The following PRDM15 variants were observed in gnomAD, a reference collection of about 807,000 sequenced individuals.
PRDM15 encodes the protein PR domain zinc finger protein 15.
Under a neutral mutation model 128.6 loss-of-function variants are expected in PRDM15, and 64 were observed. That is an observed-to-expected ratio of 0.50 (90% CI 0.41 to 0.61). PRDM15 has a LOEUF of 0.61. Ranked by LOEUF, PRDM15 falls within the 20% of genes least tolerant of loss-of-function variation. The probability of loss-of-function intolerance (pLI) is 0.00; values close to 1 mark genes in which losing one functional copy is unlikely to be tolerated. For missense variants in PRDM15, 1,242 were observed against 1,569.1 expected (o/e 0.79, Z 3.52); for synonymous variants, 615 against 621.8 (o/e 0.99, Z 0.16).
In PRDM15 at chr21:41,854,746, C is replaced by G; in HGVS notation, c.358G>C (p.Val120Leu). 1 of 1,613,020 alleles carries G rather than the reference C, an allele frequency of 6.2e-7. No individual in the cohort carries two copies. The highest frequency in any genetic ancestry group is 8.5e-7 in the Non-Finnish European group (1 of 1,179,568). ...TGCTCGGCCTCCGCCGCTGGCCGCA[C>G]CAGCATCATCCAGTTGCAGTCATCC... ...NEDDCNWMML[V>L]RPAAEAEHQN... is the part of the protein sequence containing the mutation. The change falls in exon 5 of 24, where the codon GTG becomes CTG. Residue 120 changes from valine to leucine, a missense_variant. By Grantham distance (32) the Val-to-Leu change is conservative. Transcript: ENST00000398548. This position sits in a 1 kb window ranked among gnomAD's most constrained non-coding sequence, Gnocchi z 4.6.
chr21:41,830,140 A>G (rs1363496627), intron 11 of PRDM15, among the ~76,000 whole-genome samples: 1 of 151,224 alleles, frequency 6.6e-6, no homozygotes, highest in Non-Finnish European at 1.5e-5. Flanking sequence ...CACATTCAAC[A>G]CACACCCCAC....
intron 8 of PRDM15, among the ~76,000 whole-genome samples, chr21:41,837,279 C>A (rs1274430700): frequency 1.3e-5 from 2 of 152,230 alleles, no homozygotes; most frequent in African/African-American, 4.8e-5. Context: ...TATTTTACCA[C>A]AGCAGCGTCA....
At position 41,854,849 on chromosome 21, in the gene PRDM15, G is replaced by C. The variant is rs1240502059; in HGVS notation, c.286-31C>G. The C allele has an allele frequency of 6.3e-7, 1 of 1,578,132 alleles. No individual in the cohort carries two copies. The highest frequency in any genetic ancestry group is 8.6e-7 in the Non-Finnish European group (1 of 1,158,588). ...GGTGAGTCGGCCCATGGAGAAGCCG[G>C]GGAAATGGCTGATTACCCATCTGTG... is the stretch of plus-strand genomic sequence containing the variant. On this transcript the variant is annotated intron_variant, in intron 4 of 23. Coordinates refer to ENST00000398548, the MANE Select transcript of PRDM15 (RefSeq NM_001040424.3). This position sits in a 1 kb window ranked among gnomAD's most constrained non-coding sequence, Gnocchi z 4.6.
Position 41,821,832 on chromosome 21 carries a change from G to A in PRDM15, c.1896+71C>T, listed in dbSNP as rs950116681. ...GATGCATGAAGGTGCCTGCTGTGTG[G>A]GGCCCACAGCCTTGAAACGACCACC... On this transcript the variant is annotated intron_variant, in intron 15 of 23. Coordinates refer to ENST00000398548, the MANE Select transcript of PRDM15 (RefSeq NM_001040424.3). This position sits in a 1 kb window ranked among gnomAD's most constrained non-coding sequence, Gnocchi z 5.4. 41 of 1,575,504 alleles carry A rather than the reference G, an allele frequency of 2.6e-5. No homozygotes were observed. The highest frequency in any genetic ancestry group is 3.3e-5 in the Non-Finnish European group (38 of 1,152,426).
rs780284266 is a variant in PRDM15, at chr21:41,834,566, TAGAG to T, written c.1366+867_1366+870del. On this transcript the variant is annotated intron_variant, in intron 11 of 23. Transcript: ENST00000398548. ...CCTCTCCAGGGTGTGCTATGAGTCCTAGAGAGAGGGGGACACAAAGGCAACAGTG... is the reference window on the plus strand; with the variant it reads ...CCTCTCCAGGGTGTGCTATGAGTCCTAGAGGGGGACACAAAGGCAACAGTG... 446 of 1,548,746 alleles carry T rather than the reference TAGAG, an allele frequency of 2.9e-4. 1 individual carries two copies. Among genetic ancestry groups the T allele is most frequent in the Non-Finnish European group, 3.6e-4 (411 of 1,146,674 alleles).
chr21:41,819,751 G>A, intron 17 of PRDM15, 50 bp from the exon 18 acceptor site: 1 of 1,557,200 alleles, frequency 6.4e-7, no homozygotes, highest in Non-Finnish European at 8.6e-7. Context: ...CCGACCTGCA[G>A]TGGCTGCAAA....
At chr21:41,836,322 G>A in intron 9 of PRDM15, 115 bp from the exon 10 acceptor site, 2 of 1,295,948 alleles carry the variant, frequency 1.5e-6, no homozygotes, top group Non-Finnish European at 2.2e-6. Context: ...CGAAGGAGCT[G>A]CAGAGATGAT....
In PRDM15 at chr21:41,801,711, G is replaced by A; in HGVS notation, c.2955C>T (p.Thr985=). 6.2e-7 allele frequency: 1 copy of A among 1,612,050 alleles called. No homozygotes were observed. The highest frequency in any genetic ancestry group is 8.5e-7 in the Non-Finnish European group (1 of 1,178,304). The part of the protein sequence containing the change: ...AVQSIQQVVV[T]LGDPNVTTPS... ...GTGTGGTCACATTTGGGTCACCCAGGGTCACCACTACCTGGAAGATTCACA... is the reference window on the plus strand; with the variant it reads ...GTGTGGTCACATTTGGGTCACCCAGAGTCACCACTACCTGGAAGATTCACA... The change falls in exon 24 of 24, where the codon ACC becomes ACT. Residue 985 remains threonine (T), a synonymous_variant. Coordinates refer to ENST00000398548, the MANE Select transcript of PRDM15 (RefSeq NM_001040424.3).
intron 4 of PRDM15, among the ~76,000 whole-genome samples, chr21:41,856,807 T>C (rs150539922): frequency 2.2e-3 from 333 of 152,256 alleles, no homozygotes; most frequent in Non-Finnish European, 3.5e-3. Flanking sequence ...CAAACTACCA[T>C]ACGCTCTGCA....
At chr21:41,807,016 A>T (rs915301288) in intron 21 of PRDM15, among the ~76,000 whole-genome samples, 1 of 150,280 alleles carries the variant, frequency 6.7e-6, no homozygotes, top group African/African-American at 2.5e-5. Flanking sequence ...CACCATCACC[A>T]ACACCACCAT....
rs536740315 is a variant in PRDM15 at position 41,866,577 on chromosome 21, A to T, written c.-9-6205T>A. Among the ~76,000 whole-genome samples the T allele has an allele frequency of 3.3e-4, 51 of 152,370 alleles. 1 individual carries two copies. Among genetic ancestry groups the T allele is most frequent in the Middle Eastern group, 3.4e-3 (1 of 294 alleles). On this transcript the variant is annotated intron_variant, in intron 1 of 23. Coordinates refer to ENST00000398548, the MANE Select transcript of PRDM15 (RefSeq NM_001040424.3). ...ACGTACTTGAAAGAAAGTTCAAACA[A>T]AGCCTGTGCTACTGAAGAAATCTTG...
Position 41,839,721 on chromosome 21 carries a change from G to T in PRDM15, c.773C>A (p.Ala258Asp), listed in dbSNP as rs1298678590. The change falls in exon 7 of 24, where the codon GCC (alanine) becomes GAC (aspartate). Residue 258 changes from alanine to aspartate, a missense_variant. By Grantham distance (126) the Ala-to-Asp change is moderately radical. Coordinates refer to ENST00000398548, the MANE Select transcript of PRDM15 (RefSeq NM_001040424.3). The part of the protein sequence containing the change: ...PPAVPESENV[A>D]TKEQKKKPRR... ...AGGCTTTTTCTTCTGTTCTTTGGTGGCAACATTCTCGCTCTCGGGCACTGC... is the reference window on the plus strand; with the variant it reads ...AGGCTTTTTCTTCTGTTCTTTGGTGTCAACATTCTCGCTCTCGGGCACTGC... 1 of 1,614,218 alleles carries T rather than the reference G, an allele frequency of 6.2e-7. No individual in the cohort carries two copies. Among genetic ancestry groups the T allele is most frequent in the Non-Finnish European group, 8.5e-7 (1 of 1,180,046 alleles).
chr21:41,822,480 C>T (rs1355316488), intron 14 of PRDM15, among the ~76,000 whole-genome samples: 1 of 152,272 alleles, frequency 6.6e-6, no homozygotes, highest in African/African-American at 2.4e-5. Context: ...CAGATGCCAG[C>T]ACCGGGCTGA....
rs748752353 is a variant in PRDM15 at position 41,835,429 on chromosome 21, G to C, written c.1366+8C>G. On this transcript the variant is annotated splice_region_variant and intron_variant, in intron 11 of 23. Transcript: ENST00000398548. ...GCGGCCGAGGGGAGACGTGACCGGC[G>C]CCCTCACCTGTCCTGCAGTTGTGGA... The C allele has an allele frequency of 1.9e-6, 3 of 1,603,356 alleles. No individual in the cohort carries two copies. The highest frequency in any genetic ancestry group is 2.7e-5 in the African/African-American group (2 of 74,970).
intron 5 of PRDM15, among the ~76,000 whole-genome samples, chr21:41,848,434 C>A (rs1051324191): frequency 6.6e-6 from 1 of 152,204 alleles, no homozygotes; most frequent in African/African-American, 2.4e-5. Context: ...GCCAGCAGGG[C>A]ATTTTTCTGG....
rs1490139588 is a variant in PRDM15, at chr21:41,802,719, A to G, written c.2936T>C (p.Ile979Thr). 1 of 1,614,108 alleles carries G rather than the reference A, an allele frequency of 6.2e-7. No individual in the cohort carries two copies. The highest frequency in any genetic ancestry group is 1.1e-5 in the South Asian group (1 of 91,084). Residue 979 changes from isoleucine to threonine, a missense_variant, in exon 23 of 24, where the codon ATT becomes ACT. Transcript: ENST00000398548. The part of the protein sequence containing the change: ...GDETNSAVQS[I>T]QQVVVTLGDP... ...ATAAAGCAGCAAACTGACCTGCTGA[A>G]TGCTCTGTACTGCGGAATTGGTCTC...
At chr21:41,850,667 G>A (rs538751688) in intron 5 of PRDM15, among the ~76,000 whole-genome samples, 5 of 152,230 alleles carry the variant, frequency 3.3e-5, no homozygotes, top group East Asian at 1.9e-4. Flanking sequence ...CCACGAGGGC[G>A]GCTGCAGTGA....
intron 1 of PRDM15, among the ~76,000 whole-genome samples, chr21:41,867,696 G>T (rs1467323296): frequency 6.6e-6 from 1 of 152,210 alleles, no homozygotes; most frequent in Non-Finnish European, 1.5e-5. Context: ...GGAAATGAAA[G>T]CTTCATGATT....
Position 41,821,623 on chromosome 21 carries a change from T to C in PRDM15, c.1896+280A>G, listed in dbSNP as rs2062269963. ...CTTCTAGGAGGCCGACCCCCACACT[T>C]CATGTGTGTTCCTGAACCGTGTCAC... is the stretch of plus-strand genomic sequence containing the variant. On this transcript the variant is annotated intron_variant, in intron 15 of 23. Coordinates refer to ENST00000398548, the MANE Select transcript of PRDM15 (RefSeq NM_001040424.3). This position sits in a 1 kb window ranked among gnomAD's most constrained non-coding sequence, Gnocchi z 5.4. Among the ~76,000 whole-genome samples the C allele has an allele frequency of 6.6e-6, 1 of 151,954 alleles. No individual in the cohort carries two copies. The highest frequency in any genetic ancestry group is 6.6e-5 in the Admixed American group (1 of 15,264).
Sources: allele counts gnomAD v4.1 joint callset (sites outside exome capture counted in the v4.1 genomes callset), GRCh38; gene constraint gnomAD v4.1.1; non-coding constraint Gnocchi (gnomAD v3.1); transcripts MANE v1.5; gene names NCBI Gene and HGNC (gene_info 2026-07-23, HGNC 2026-07-21).